PGCKA1: variants seen among roughly 807,000 people sequenced by gnomAD.
PGCKA1 encodes the protein PDCD10 and GCKIII kinases-associated protein 1.
At chr4:37,549,649 G>A in the PGCKA1 span, among the ~76,000 whole-genome samples, 1 of 152,134 alleles carries the variant, frequency 6.6e-6, no homozygotes, top group Non-Finnish European at 1.5e-5. Flanking sequence ...AACCATTGAA[G>A]TTTGCAACAC....
At chr4:37,554,497 G>A in the PGCKA1 span, among the ~76,000 whole-genome samples, 1 of 152,060 alleles carries the variant, frequency 6.6e-6, no homozygotes, top group African/African-American at 2.4e-5. Context: ...ACAGGCATGT[G>A]CCACCACGCC....
chr4:37,526,649 A>G, the PGCKA1 span, among the ~76,000 whole-genome samples: 1 of 152,198 alleles, frequency 6.6e-6, no homozygotes, highest in Non-Finnish European at 1.5e-5. Flanking sequence ...AGAAATTACT[A>G]CTGCCTAGTG....
the PGCKA1 span, among the ~76,000 whole-genome samples, chr4:37,569,698 C>G: frequency 6.6e-6 from 1 of 152,164 alleles, no homozygotes; most frequent in Non-Finnish European, 1.5e-5. Flanking sequence ...AAAAAAAGTT[C>G]TGTAGCCCAA....
chr4:37,510,329 G>C, the PGCKA1 span, among the ~76,000 whole-genome samples: 4 of 151,880 alleles, frequency 2.6e-5, no homozygotes, highest in Non-Finnish European at 5.9e-5. Flanking sequence ...TTTGCTATAG[G>C]GGCTTTTTTG....
At chr4:37,515,540 G>T in the PGCKA1 span, among the ~76,000 whole-genome samples, 1 of 152,178 alleles carries the variant, frequency 6.6e-6, no homozygotes, top group African/African-American at 2.4e-5. Flanking sequence ...TGCTTACCTT[G>T]TACCATACTA....
At chr4:37,502,795 A>G in the PGCKA1 span, among the ~76,000 whole-genome samples, 1 of 152,036 alleles carries the variant, frequency 6.6e-6, no homozygotes, top group African/African-American at 2.4e-5. Flanking sequence ...GCTCTCTACC[A>G]GTCAGGCATG....
At chr4:37,501,172 A>T in the PGCKA1 span, among the ~76,000 whole-genome samples, 1 of 151,982 alleles carries the variant, frequency 6.6e-6, no homozygotes, top group Non-Finnish European at 1.5e-5. Flanking sequence ...TCAGCCAGTT[A>T]TTATGTGATT....
At chr4:37,500,234 A>G in the PGCKA1 span, among the ~76,000 whole-genome samples, 31 of 152,100 alleles carry the variant, frequency 2.0e-4, no homozygotes, top group Non-Finnish European at 3.5e-4. Context: ...AAGTCTTTCT[A>G]ACTTTTTGAT....
the PGCKA1 span, among the ~76,000 whole-genome samples, chr4:37,551,723 A>T: frequency 1.3e-5 from 2 of 152,264 alleles, no homozygotes; most frequent in Non-Finnish European, 2.9e-5. Context: ...CATGTTTAGA[A>T]GGTGGTTCCC....
chr4:37,464,286 G>T, the PGCKA1 span, among the ~76,000 whole-genome samples: 1 of 152,176 alleles, frequency 6.6e-6, no homozygotes. Context: ...GGTAATGAGG[G>T]CTGGACTCTC....
chr4:37,571,355 C>CATTTTTTTTTTTTTTTTT, the PGCKA1 span, among the ~76,000 whole-genome samples: 1 of 78,036 alleles, frequency 1.3e-5, no homozygotes. Context: ...GACTATTATC[C>CATTTTTTTTTTTTTTTTT]TTTTTTTTTT....
chr4:37,549,048 G>A, the PGCKA1 span, among the ~76,000 whole-genome samples: 13,539 of 115,866 alleles, frequency 0.12, 790 homozygotes, highest in Non-Finnish European at 0.16. Context: ...GCTATATCCC[G>A]GAGTCCCTGC....
chr4:37,558,711 T>A, the PGCKA1 span, among the ~76,000 whole-genome samples: 1 of 126,550 alleles, frequency 7.9e-6, no homozygotes, highest in African/African-American at 3.2e-5. Flanking sequence ...AAAGGGCTAA[T>A]ATCCAGAATC....
At chr4:37,583,879 G>T in the PGCKA1 span, among the ~76,000 whole-genome samples, 8 of 152,236 alleles carry the variant, frequency 5.3e-5, no homozygotes, top group East Asian at 7.7e-4. Context: ...TTTTGATTTT[G>T]CTCAGTAATA....
the PGCKA1 span, among the ~76,000 whole-genome samples, chr4:37,517,378 T>G: frequency 1.3e-5 from 2 of 151,312 alleles, no homozygotes; most frequent in Non-Finnish European, 2.9e-5. Flanking sequence ...TATTTTTAAG[T>G]GAAATCTAAA....
the PGCKA1 span, among the ~76,000 whole-genome samples, chr4:37,479,778 G>A: frequency 2.6e-5 from 4 of 152,164 alleles, no homozygotes; most frequent in African/African-American, 9.7e-5. Context: ...CATCCTGGAA[G>A]CAAAGGGAAT....
chr4:37,539,719 G>A, the PGCKA1 span, among the ~76,000 whole-genome samples: 1,159 of 152,220 alleles, frequency 7.6e-3, 56 homozygotes, highest in East Asian at 0.097. Context: ...TCAGCCTCTC[G>A]GACCTGCTGC....
chr4:37,567,782 G>C, the PGCKA1 span, among the ~76,000 whole-genome samples: 1 of 152,126 alleles, frequency 6.6e-6, no homozygotes. Context: ...TGGAGCCATC[G>C]TGAAGTCAGC....
chr4:37,508,681 A>ATTTTTTTTTTTTTTTTTTTTTTTT, the PGCKA1 span, among the ~76,000 whole-genome samples: 4 of 45,460 alleles, frequency 8.8e-5, no homozygotes, highest in East Asian at 5.1e-4. Context: ...TTTTTGCTGA[A>ATTTTTTTTTTTTTTTTTTTTTTTT]TCTTTTTTTT....
Sources: gnomAD v4.1 joint callset for allele counts (sites outside exome capture counted in the v4.1 genomes callset) on GRCh38, gnomAD v4.1.1 for gene constraint, MANE v1.5 for transcripts, NCBI Gene and HGNC (gene_info 2026-07-23, HGNC 2026-07-21) for gene names.